IKBKB: variants seen among roughly 807,000 people sequenced by gnomAD.
The protein encoded by IKBKB is inhibitor of nuclear factor kappa-B kinase subunit beta.
IKBKB carries 42 observed loss-of-function variants against 113.6 expected under a neutral mutation model. The observed-to-expected ratio is 0.37, with a 90% CI of 0.29 to 0.48. The LOEUF (loss-of-function observed/expected upper bound fraction) is 0.48. Ranked by LOEUF, IKBKB falls within the 20% of genes least tolerant of loss-of-function variation. The probability of loss-of-function intolerance (pLI) is 0.99; values close to 1 mark genes in which losing one functional copy is unlikely to be tolerated. For synonymous variants in IKBKB, 296 were observed against 361.3 expected (o/e 0.82, Z 2.05); for missense variants, 673 against 939.7 (o/e 0.72, Z 3.71).
chr8:42,279,912 G>C (rs560503224), intron 2 of IKBKB, among the ~76,000 whole-genome samples: 9 of 152,258 alleles, frequency 5.9e-5, no homozygotes, highest in African/African-American at 2.2e-4. Context: ...GCAGTGGCTC[G>C]ATCAGGGCTC....
chr8:42,271,547 C>G, intron 1 of IKBKB, 78 bp downstream of exon 1: 1 of 577,184 alleles, frequency 1.7e-6, no homozygotes, highest in Non-Finnish European at 3.0e-6. Flanking sequence ...CCCGGAAGAC[C>G]CCTCTGTGCC....
rs1392093041 is a variant in IKBKB, at chr8:42,321,599, G to T, written c.1689-297G>T. The T allele has an allele frequency of 1.2e-5, 4 of 328,696 alleles. No homozygotes were observed. The South Asian group carries it at 1.8e-4, about 15-fold the overall frequency. 20.4% of individuals were successfully genotyped at this position (328,696 alleles called of 1,614,324 possible). A position where few individuals can be genotyped will look rare whatever the true frequency, so the allele number is the denominator to read the frequency against. On this transcript the variant is annotated intron_variant, in intron 16 of 21. Coordinates refer to ENST00000520810, the MANE Select transcript of IKBKB (RefSeq NM_001556.3). Reference sequence around the variant, plus strand: ...TGCAGTGGCACAATCATAGCTCACTGCAGCCTCGACCTCCCAGGCTTATGC... The same window carrying T: ...TGCAGTGGCACAATCATAGCTCACTTCAGCCTCGACCTCCCAGGCTTATGC...
At chr8:42,315,719 G>A (rs2130628563) in intron 9 of IKBKB, among the ~76,000 whole-genome samples, 2 of 152,218 alleles carry the variant, frequency 1.3e-5, no homozygotes, top group South Asian at 4.1e-4. Context: ...AGAGTGCAGT[G>A]TGGCACAGTC....
intron 21 of IKBKB, chr8:42,329,683 T>C (rs1486915405): frequency 2.0e-6 from 2 of 985,272 alleles, no homozygotes; most frequent in Non-Finnish European, 2.4e-6. Flanking sequence ...GCACCATTGG[T>C]ACTACTGCTG....
chr8:42,325,741 TC>T, intron 19 of IKBKB: 4 of 1,333,140 alleles, frequency 3.0e-6, no homozygotes, highest in Non-Finnish European at 3.8e-6. Flanking sequence ...CACCCAGGTC[TC>T]CTTAAATTTA....
Position 42,288,648 on chromosome 8 carries a change from G to A in IKBKB, c.120G>A (p.Gln40=). The A allele has an allele frequency of 6.2e-7, 1 of 1,610,804 alleles. No individual in the cohort carries two copies. The highest frequency in any genetic ancestry group is 8.5e-7 in the Non-Finnish European group (1 of 1,178,370). The part of the protein sequence containing the change: ...IRWHNQETGE[Q]IAIKQCRQEL... ...TGTTTCTGTAGGAAACAGGTGAGCA[G>A]ATTGCCATCAAGCAGTGCCGGCAGG... Residue 40 remains glutamine (Q), a synonymous_variant, in exon 3 of 22, where the codon CAG becomes CAA. Transcript: ENST00000520810.
At chr8:42,282,001 G>A (rs942679668) in intron 2 of IKBKB, among the ~76,000 whole-genome samples, 1 of 152,136 alleles carries the variant, frequency 6.6e-6, no homozygotes, top group African/African-American at 2.4e-5. Flanking sequence ...CTGAGGATGT[G>A]CTCCCCCTCT....
chr8:42,308,329 A>G (rs1217185080), intron 7 of IKBKB, among the ~76,000 whole-genome samples: 3 of 127,152 alleles, frequency 2.4e-5, no homozygotes, highest in Non-Finnish European at 4.7e-5. Context: ...ACAGAGTCTC[A>G]CTCTGTTGCC....
At chr8:42,274,361 G>A (rs1290548641) in intron 2 of IKBKB, among the ~76,000 whole-genome samples, 2 of 152,012 alleles carry the variant, frequency 1.3e-5, no homozygotes, top group African/African-American at 4.8e-5. Flanking sequence ...ATTCACTGTA[G>A]TCACCCTGTT....
Position 42,293,521 on chromosome 8 carries a change from C to T in IKBKB, c.388+9C>T, listed in dbSNP as rs140937081. 6.9e-5 allele frequency: 111 copies of T among 1,614,176 alleles called. No homozygotes were observed. In the Middle Eastern group the frequency reaches 9.9e-4, roughly 14 times the overall value. On this transcript the variant is annotated intron_variant, in intron 5 of 21. Coordinates refer to ENST00000520810, the MANE Select transcript of IKBKB (RefSeq NM_001556.3). Reference sequence around the variant, plus strand: ...CTTGCTGAGTGACATTGGTAAATCCCAGTCCCGGAATTCAGGCCGTGTCCT... The same window carrying T: ...CTTGCTGAGTGACATTGGTAAATCCTAGTCCCGGAATTCAGGCCGTGTCCT...
chr8:42,303,055 G>C (rs1001654006), intron 5 of IKBKB, among the ~76,000 whole-genome samples: 1 of 137,700 alleles, frequency 7.3e-6, no homozygotes. Context: ...CCGGCTTGCC[G>C]AGAGGGAGAG....
In IKBKB at chr8:42,316,984, AT is replaced by A; in HGVS notation, c.1125+82del. 1 of 1,338,264 alleles carries A rather than the reference AT, an allele frequency of 7.5e-7. No homozygotes were observed. The highest frequency in any genetic ancestry group is 1.1e-6 in the Non-Finnish European group (1 of 950,730). The allele number at this position is 1,338,264 out of a possible 1,614,324, so 82.9% of individuals were successfully genotyped here. The stretch of plus-strand genomic sequence containing the variant: ...AAACTCAACACACTTTCAGATTTCA[AT>A]TCTGCTTTGTCATGTAGTCTGTTAA... On this transcript the variant is annotated intron_variant, in intron 11 of 21. Transcript: ENST00000520810. The surrounding 1 kb of genome is among the most constrained non-coding windows in gnomAD (Gnocchi z 4.5).
intron 5 of IKBKB, among the ~76,000 whole-genome samples, chr8:42,300,060 G>A (rs766895761): frequency 3.9e-5 from 6 of 152,184 alleles, no homozygotes; most frequent in African/African-American, 7.2e-5. Context: ...ATAGAGCCTC[G>A]CTGAGTGAAT....
intron 5 of IKBKB, among the ~76,000 whole-genome samples, chr8:42,303,311 T>C (rs545966098): frequency 6.6e-6 from 1 of 152,322 alleles, no homozygotes; most frequent in South Asian, 2.1e-4. Context: ...TCAGAAAATA[T>C]AGACCCAAGA....
intron 3 of IKBKB, among the ~76,000 whole-genome samples, chr8:42,289,579 C>T (rs997396854): frequency 1.3e-4 from 20 of 152,166 alleles, no homozygotes; most frequent in African/African-American, 4.1e-4. Flanking sequence ...AGGTGGGCTC[C>T]GAAAGAGCCA....
intron 2 of IKBKB, among the ~76,000 whole-genome samples, chr8:42,278,850 C>A (rs1315734980): frequency 2.0e-5 from 3 of 152,072 alleles, no homozygotes; most frequent in Non-Finnish European, 2.9e-5. Context: ...CAAAATTAGC[C>A]AGGCATGGTG....
intron 2 of IKBKB, among the ~76,000 whole-genome samples, chr8:42,273,747 C>T (rs888878645): frequency 6.6e-6 from 1 of 151,740 alleles, no homozygotes; most frequent in Non-Finnish European, 1.5e-5. Context: ...TGATGGTGGT[C>T]TCACAATGTT....
chr8:42,277,185 T>C (rs1382696050), intron 2 of IKBKB, among the ~76,000 whole-genome samples: 1 of 146,222 alleles, frequency 6.8e-6, no homozygotes, highest in Non-Finnish European at 1.5e-5. Flanking sequence ...GGCTAATTTT[T>C]TTTTTTTTTT....
At chr8:42,327,597 T>C (rs536414688) in intron 20 of IKBKB, among the ~76,000 whole-genome samples, 242 of 150,938 alleles carry the variant, frequency 1.6e-3, no homozygotes, top group African/African-American at 5.7e-3. Context: ...CCTCCCAAAG[T>C]GCTGGGATTA....
Sources: allele counts gnomAD v4.1 joint callset (sites outside exome capture counted in the v4.1 genomes callset), GRCh38; gene constraint gnomAD v4.1.1; non-coding constraint Gnocchi (gnomAD v3.1); transcripts MANE v1.5; gene names NCBI Gene and HGNC (gene_info 2026-07-23, HGNC 2026-07-21).